The following KCNIP4 variants were observed in gnomAD, a reference collection of about 807,000 sequenced individuals.
KCNIP4 encodes Kv channel-interacting protein 4.
KCNIP4 carries 12 observed loss-of-function variants against 34.0 expected under a neutral mutation model. The observed-to-expected ratio is 0.35, with a 90% CI of 0.23 to 0.57. The LOEUF is 0.57. KCNIP4 is among the 20% of genes least tolerant of loss of function. KCNIP4 has a pLI of 0.83. For missense variants in KCNIP4, 238 were observed against 311.7 expected (o/e 0.76, Z 1.78); for synonymous variants, 124 against 102.2 (o/e 1.21, Z -1.29).
At chr4:21,237,364 C>T (rs1036263691) in intron 1 of KCNIP4, among the ~76,000 whole-genome samples, 6 of 152,044 alleles carry the variant, frequency 3.9e-5, no homozygotes, top group Admixed American at 2.0e-4. Flanking sequence ...GCTATAAATA[C>T]AATCAAATAG....
chr4:20,854,784 A>G (rs909721150), intron 2 of KCNIP4, among the ~76,000 whole-genome samples: 1 of 152,188 alleles, frequency 6.6e-6, no homozygotes, highest in Admixed American at 6.6e-5. Flanking sequence ...TCATGGGTAC[A>G]TACTGGATGG....
chr4:20,930,404 C>CAATAAGTTCAGAAGTACGTGG, intron 1 of KCNIP4, among the ~76,000 whole-genome samples: 2 of 152,076 alleles, frequency 1.3e-5, no homozygotes, highest in South Asian at 4.1e-4. Context: ...AACCATAAAA[C>CAATAAGTTCAGAAGTACGTGG]TCCTAGAGAA....
chr4:20,918,403 T>C (rs1729052992), intron 1 of KCNIP4, among the ~76,000 whole-genome samples: 1 of 152,162 alleles, frequency 6.6e-6, no homozygotes, highest in South Asian at 2.1e-4. Context: ...GGGTACTAGA[T>C]ACAGGAGCAG....
chr4:21,128,051 T>A (rs779406747), intron 1 of KCNIP4, among the ~76,000 whole-genome samples: 3 of 152,244 alleles, frequency 2.0e-5, no homozygotes, highest in Non-Finnish European at 4.4e-5. Context: ...GGGTTCCTGG[T>A]CTGTTCCTGT....
At chr4:21,063,742 T>G (rs1408600246) in intron 1 of KCNIP4, among the ~76,000 whole-genome samples, 3 of 152,156 alleles carry the variant, frequency 2.0e-5, no homozygotes, top group Admixed American at 2.0e-4. Context: ...CTCTAACTTT[T>G]ATCAAAAAAT....
chr4:21,182,301 A>T lies in KCNIP4; in HGVS notation c.62-299592T>A, dbSNP rs16870553. ...TCATATCATTTTCTTGCTCAAAACA[A>T]CCCAGTGATTCCTCTTTGGAATTAG... On this transcript the variant is annotated intron_variant, in intron 1 of 8. Transcript: ENST00000382152. Among the ~76,000 whole-genome samples, 753 of 152,202 alleles carry T rather than the reference A, an allele frequency of 4.9e-3. 5 individuals are homozygous for T. Among genetic ancestry groups the T allele is most frequent in the African/African-American group, 0.017 (697 of 41,556 alleles).
intron 1 of KCNIP4, among the ~76,000 whole-genome samples, chr4:21,533,304 G>C (rs1166191266): frequency 6.6e-6 from 1 of 151,950 alleles, no homozygotes; most frequent in African/African-American, 2.4e-5. Flanking sequence ...TGCTATTCCT[G>C]CTCTGTTTGC....
At chr4:21,707,583 C>G (rs1713384307) in intron 1 of KCNIP4, among the ~76,000 whole-genome samples, 1 of 152,068 alleles carries the variant, frequency 6.6e-6, no homozygotes, top group Non-Finnish European at 1.5e-5. Context: ...ACCAAAAACT[C>G]TGTCTGAAGT....
chr4:21,064,404 G>GA (rs758710002), intron 1 of KCNIP4, among the ~76,000 whole-genome samples: 3,922 of 134,490 alleles, frequency 0.029, 145 homozygotes, highest in African/African-American at 0.094. Context: ...TACCTCACAG[G>GA]AAAAAAAAAA....
chr4:20,856,866 C>G (rs1721633108), intron 2 of KCNIP4, among the ~76,000 whole-genome samples: 1 of 152,134 alleles, frequency 6.6e-6, no homozygotes, highest in African/African-American at 2.4e-5. Context: ...GTGACCCTCA[C>G]ATGGGACAGA....
rs1408012702 is a variant in KCNIP4, at chr4:21,320,964, T to A, written c.62-438255A>T. On this transcript the variant is annotated intron_variant, in intron 1 of 8. Coordinates refer to ENST00000382152, the MANE Select transcript of KCNIP4 (RefSeq NM_025221.6). The stretch of plus-strand genomic sequence containing the variant: ...TGGGCAATAGAGCAAGAATCTGTCT[T>A]AAAAAAAAAAAAAAAAAAGAGGAAA... Among the ~76,000 whole-genome samples, 50 of 102,902 alleles carry A rather than the reference T, an allele frequency of 4.9e-4. 1 individual carries two copies. The highest frequency in any genetic ancestry group is 1.9e-3 in the African/African-American group (42 of 21,802). The allele number at this position is 102,902 out of a possible 152,430, so 67.5% of individuals were successfully genotyped here.
At chr4:21,035,386 T>C (rs1741364504) in intron 1 of KCNIP4, among the ~76,000 whole-genome samples, 1 of 152,216 alleles carries the variant, frequency 6.6e-6, no homozygotes, top group Admixed American at 6.5e-5. Flanking sequence ...TTGTTCTCTG[T>C]AGCAACAATA....
At position 21,427,435 on chromosome 4, in the gene KCNIP4, G is replaced by A. The variant is rs140392224; in HGVS notation, c.61+521136C>T. Among the ~76,000 whole-genome samples, 65 of 152,082 alleles carry A rather than the reference G, an allele frequency of 4.3e-4. No homozygotes were observed. The East Asian group carries it at 0.012, about 27-fold the overall frequency. ...AATTAAAAAAGGGACCATACCAATG[G>A]TTGGGAAAGGCTAATGAAACCAAGT... On this transcript the variant is annotated intron_variant, in intron 1 of 8. Transcript: ENST00000382152.
intron 1 of KCNIP4, among the ~76,000 whole-genome samples, chr4:21,812,157 G>T (rs1251330374): frequency 6.6e-6 from 1 of 151,978 alleles, no homozygotes; most frequent in Non-Finnish European, 1.5e-5. Flanking sequence ...ACAAAAAGAG[G>T]CTACTTTATT....
chr4:21,693,433 C>T (rs373794903), intron 1 of KCNIP4, among the ~76,000 whole-genome samples: 29 of 151,892 alleles, frequency 1.9e-4, no homozygotes, highest in East Asian at 1.2e-3. Context: ...TGGTGGAGAG[C>T]GCCTGTAATC....
intron 1 of KCNIP4, among the ~76,000 whole-genome samples, chr4:21,403,670 G>A (rs1560372187): frequency 6.6e-6 from 1 of 152,148 alleles, no homozygotes; most frequent in South Asian, 2.1e-4. Context: ...ACCACAGACT[G>A]CATAATTTAT....
intron 2 of KCNIP4, among the ~76,000 whole-genome samples, chr4:20,868,023 AT>A (rs71181595): frequency 0.44 from 65,680 of 148,198 alleles, 16,199 homozygotes; most frequent in African/African-American, 0.69. Context: ...TATAATAATA[AT>A]AAAAAAAAGA....
intron 1 of KCNIP4, among the ~76,000 whole-genome samples, chr4:21,103,256 T>C (rs1459158722): frequency 1.3e-5 from 2 of 148,848 alleles, no homozygotes; most frequent in Non-Finnish European, 3.0e-5. Context: ...AGTAAATTTA[T>C]GTTTCTAGTA....
At position 21,714,976 on chromosome 4, in the gene KCNIP4, T is replaced by C. The variant is rs537004052; in HGVS notation, c.61+233595A>G. Among the ~76,000 whole-genome samples the C allele has an allele frequency of 2.2e-3, 2 of 914 alleles. 1 individual carries two copies. The highest frequency in any genetic ancestry group is 2.7e-3 in the Non-Finnish European group (2 of 730). 0.6% of individuals were successfully genotyped at this position (914 alleles called of 152,430 possible). ...TTTATTTTATTTTATTTTATTTTATTTTATTTTATTTTATTTTATTTTATT... is the reference window on the plus strand; with the variant it reads ...TTTATTTTATTTTATTTTATTTTATCTTATTTTATTTTATTTTATTTTATT... On this transcript the variant is annotated intron_variant, in intron 1 of 8. Transcript: ENST00000382152.
Sources: gnomAD v4.1 joint callset for allele counts (sites outside exome capture counted in the v4.1 genomes callset) on GRCh38, gnomAD v4.1.1 for gene constraint, MANE v1.5 for transcripts, NCBI Gene and HGNC (gene_info 2026-07-23, HGNC 2026-07-21) for gene names.